The following PUS7 variants were observed in gnomAD, a reference collection of about 807,000 sequenced individuals.
PUS7 encodes pseudouridine synthase 7.
A neutral mutation model predicts 79.8 loss-of-function variants in PUS7; 48 were observed. That is an observed-to-expected ratio of 0.60 (90% CI 0.48 to 0.76). PUS7 has a LOEUF of 0.76. PUS7 is among the 30% of genes least tolerant of loss of function. The pLI is 0.00. For synonymous variants in PUS7, 286 were observed against 272.2 expected (o/e 1.05, Z -0.50); for missense variants, 729 against 797.6 (o/e 0.91, Z 1.04).
intron 2 of PUS7, 48 bp from the exon 3 acceptor site, chr7:105,506,321 T>C: frequency 7.5e-7 from 1 of 1,332,540 alleles, no homozygotes; most frequent in Non-Finnish European, 1.1e-6. Flanking sequence ...TCCTGTTTTC[T>C]ATTAATTTTA....
At chr7:105,503,806 T>A (rs565037934) in intron 4 of PUS7, among the ~76,000 whole-genome samples, 1 of 152,106 alleles carries the variant, frequency 6.6e-6, no homozygotes, top group South Asian at 2.1e-4. Flanking sequence ...CTAATTTTTT[T>A]ATGTTTTGTA....
intron 1 of PUS7, among the ~76,000 whole-genome samples, chr7:105,509,184 CAAAAAAAAAAAAAAA>C (rs57095427): frequency 5.4e-5 from 3 of 55,718 alleles, no homozygotes; most frequent in Admixed American, 3.3e-4. Context: ...GACTCCATCT[CAAAAAAAAAAAAAAA>C]AAAAAAAAAA....
intron 7 of PUS7, among the ~76,000 whole-genome samples, chr7:105,488,445 A>T (rs978445661): frequency 6.6e-6 from 1 of 152,194 alleles, no homozygotes; most frequent in South Asian, 2.1e-4. Flanking sequence ...TGACCAGCAG[A>T]TGGAAAGAAA....
intron 9 of PUS7, among the ~76,000 whole-genome samples, chr7:105,479,466 G>A (rs997752735): frequency 5.9e-5 from 9 of 152,240 alleles, no homozygotes; most frequent in South Asian, 2.1e-4. Context: ...GAACATGGAC[G>A]CTTAGATAAC....
chr7:105,463,806 T>A (rs772298889), intron 13 of PUS7, among the ~76,000 whole-genome samples: 5 of 152,234 alleles, frequency 3.3e-5, no homozygotes, highest in African/African-American at 7.2e-5. Context: ...TGCAAATACA[T>A]TGAAATTGTG....
intron 12 of PUS7, among the ~76,000 whole-genome samples, chr7:105,467,200 C>T (rs936395836): frequency 6.6e-6 from 1 of 151,858 alleles, no homozygotes; most frequent in Non-Finnish European, 1.5e-5. Flanking sequence ...ACACAATGGG[C>T]TCCATGGAAG....
At chr7:105,502,761 G>A (rs927167383) in intron 4 of PUS7, among the ~76,000 whole-genome samples, 197 bp from the exon 5 acceptor site, 6 of 152,170 alleles carry the variant, frequency 3.9e-5, no homozygotes, top group African/African-American at 1.2e-4. Context: ...GTGCAGTGGA[G>A]TGATCTCAGC....
At chr7:105,474,437 A>C (rs1823998628) in intron 9 of PUS7, among the ~76,000 whole-genome samples, 1 of 152,082 alleles carries the variant, frequency 6.6e-6, no homozygotes, top group Admixed American at 6.6e-5. Flanking sequence ...CTAGGGACTG[A>C]TCTGACAGAT....
chr7:105,488,787 A>G (rs1013409602), intron 7 of PUS7, among the ~76,000 whole-genome samples: 1 of 152,216 alleles, frequency 6.6e-6, no homozygotes, highest in Non-Finnish European at 1.5e-5. Flanking sequence ...CATGTTGTGA[A>G]TAAGGTGATC....
chr7:105,465,357 A>G lies in PUS7; in HGVS notation c.1583T>C (p.Val528Ala). Residue 528 changes from valine (V) to alanine (A), a missense_variant, in exon 13 of 16, where the codon GTA becomes GCA. Physicochemically the swap from Val to Ala is moderately conservative, Grantham distance 64. Coordinates refer to ENST00000469408, the MANE Select transcript of PUS7 (RefSeq NM_019042.5). Reference sequence around the variant, plus strand: ...AACATCGAAACCAGGCAAGGGCATTACCACATCATGGATAGAGTAATTATT... The same window carrying G: ...AACATCGAAACCAGGCAAGGGCATTGCCACATCATGGATAGAGTAATTATT... ...DVNNYSIHDV[V>A]MPLPGFDVIY... 1 of 1,613,836 alleles carries G rather than the reference A, an allele frequency of 6.2e-7. No individual in the cohort carries two copies. Among genetic ancestry groups the G allele is most frequent in the Non-Finnish European group, 8.5e-7 (1 of 1,179,756 alleles).
intron 5 of PUS7, among the ~76,000 whole-genome samples, chr7:105,495,865 C>A (rs935782586): frequency 2.0e-5 from 3 of 152,028 alleles, no homozygotes; most frequent in Non-Finnish European, 2.9e-5. Flanking sequence ...CTGTGTTAAA[C>A]AATGTAAGAT....
rs376092676 is a variant in PUS7 at position 105,506,569 on chromosome 7, C to T, written c.399-296G>A. ...TCCCGAGTAGCTGGGATTACAGGCA[C>T]GTGCCACCACGCCCAGCTAATTTTT... On this transcript the variant is annotated intron_variant, in intron 2 of 15. Coordinates refer to ENST00000469408, the MANE Select transcript of PUS7 (RefSeq NM_019042.5). 1.1e-3 allele frequency among the ~76,000 whole-genome samples: 161 copies of T among 151,866 alleles called. 2 individuals are homozygous for T. In the East Asian group the frequency reaches 0.021, roughly 20 times the overall value.
Position 105,478,508 on chromosome 7 carries a change from G to A in PUS7, c.1175+2544C>T, listed in dbSNP as rs550632460. Among the ~76,000 whole-genome samples, 7 of 152,258 alleles carry A rather than the reference G, an allele frequency of 4.6e-5. No individual in the cohort carries two copies. In the South Asian group the frequency reaches 1.5e-3, roughly 32 times the overall value. On this transcript the variant is annotated intron_variant, in intron 9 of 15. Coordinates refer to ENST00000469408, the MANE Select transcript of PUS7 (RefSeq NM_019042.5). Reference sequence around the variant, plus strand: ...TGCCTTTTTTATTTTAGCCATCCTAGTGGGTAAGAAGTGGCATCTCACTGT... The same window carrying A: ...TGCCTTTTTTATTTTAGCCATCCTAATGGGTAAGAAGTGGCATCTCACTGT...
chr7:105,462,498 T>G (rs998216215), intron 14 of PUS7, 123 bp downstream of exon 14: 2 of 1,001,690 alleles, frequency 2.0e-6, no homozygotes, highest in South Asian at 3.1e-5. Context: ...GATACCACCA[T>G]CATATAAGCA....
intron 5 of PUS7, among the ~76,000 whole-genome samples, chr7:105,501,332 G>A (rs1368521491): frequency 2.6e-5 from 4 of 152,052 alleles, no homozygotes; most frequent in Non-Finnish European, 4.4e-5. Context: ...AGGAGAGGAG[G>A]GTGAGGAAAT....
At chr7:105,501,954 CA>C (rs1260361044) in intron 5 of PUS7, among the ~76,000 whole-genome samples, 3,075 of 124,196 alleles carry the variant, frequency 0.025, 36 homozygotes, top group Middle Eastern at 0.045. Context: ...GACTCCGTCT[CA>C]AAAAAAAAAA....
intron 2 of PUS7, 21 bp from the exon 3 acceptor site, chr7:105,506,294 C>T (rs749808132): frequency 3.3e-6 from 5 of 1,520,052 alleles, no homozygotes; most frequent in Middle Eastern, 1.7e-4. Flanking sequence ...AAAACATGAA[C>T]TTTCAGATAA....
chr7:105,488,574 T>C (rs1004089484), intron 7 of PUS7, among the ~76,000 whole-genome samples: 1 of 152,212 alleles, frequency 6.6e-6, no homozygotes, highest in Admixed American at 6.5e-5. Context: ...ACGTCTGTCA[T>C]GGACTGGGTT....
chr7:105,513,837 C>CA (rs563422686), intron 1 of PUS7, among the ~76,000 whole-genome samples: 1,467 of 83,534 alleles, frequency 0.018, 48 homozygotes, highest in East Asian at 0.13. Flanking sequence ...GACTCCGTCT[C>CA]AAAAAAAAAA....
Sources: allele counts gnomAD v4.1 joint callset (sites outside exome capture counted in the v4.1 genomes callset), GRCh38; gene constraint gnomAD v4.1.1; transcripts MANE v1.5; gene names NCBI Gene and HGNC (gene_info 2026-07-23, HGNC 2026-07-21).